The following FLNB variants were observed in gnomAD, a reference collection of about 807,000 sequenced individuals.
The protein encoded by FLNB is filamin-B.
In FLNB, 111 loss-of-function variants were observed where a neutral mutation model predicts 250.6. The ratio of observed to expected loss-of-function variants is 0.44; its 90% confidence interval spans 0.38 to 0.52. FLNB has a LOEUF of 0.52. Among genes scored for constraint, FLNB ranks in the 20% least tolerant of loss-of-function variants. FLNB has a pLI of 0.00. For synonymous variants in FLNB, 1,302 were observed against 1,372.1 expected (o/e 0.95, Z 1.13); for missense variants, 2,869 against 3,447.8 (o/e 0.83, Z 4.20).
Position 58,094,905 on chromosome 3 carries a change from A to C in FLNB, c.857A>C (p.Gln286Pro), listed in dbSNP as rs1576707248. 6.2e-7 allele frequency: 1 copy of C among 1,614,164 alleles called. No individual in the cohort carries two copies. The highest frequency in any genetic ancestry group is 8.5e-7 in the Non-Finnish European group (1 of 1,180,010). ...KFTVDTISAG[Q>P]GDVMVFVEDP... The stretch of plus-strand genomic sequence containing the variant: ...ACTGTGGACACCATCAGCGCCGGGC[A>C]AGGAGACGTGATGGTGTTTGTTGAG... Residue 286 changes from glutamine to proline, a missense_variant, in exon 5 of 46, where the codon CAA becomes CCA. Physicochemically the swap from Gln to Pro is moderately conservative, Grantham distance 76. Around this residue, in one of 5 missense-constraint regions of FLNB, gnomAD observed 308 missense variants for 466.1 expected, o/e 0.66. Transcript: ENST00000295956.
intron 42 of FLNB, among the ~76,000 whole-genome samples, chr3:58,161,646 T>C (rs1453465157): frequency 1.3e-5 from 2 of 152,214 alleles, no homozygotes; most frequent in African/African-American, 4.8e-5. Flanking sequence ...GTTGCATAAC[T>C]AGAAAGTTCA....
Position 58,077,275 on chromosome 3 carries a change from G to C in FLNB, c.522G>C (p.Leu174=), listed in dbSNP as rs1231102041. The C allele has an allele frequency of 1.2e-6, 2 of 1,614,004 alleles. No individual in the cohort carries two copies. The highest frequency in any genetic ancestry group is 2.7e-5 in the African/African-American group (2 of 74,938). The change falls in exon 2 of 46, where the codon CTG becomes CTC. Residue 174 remains leucine (L), a synonymous_variant. Transcript: ENST00000295956. ...NWQDGKALGA[L]VDSCAPGLCP... The stretch of plus-strand genomic sequence containing the variant: ...AAGACGGCAAAGCCCTGGGAGCCCT[G>C]GTAGACAGCTGTGCTCCAGGTAAGT...
chr3:58,039,757 A>G (rs184041053), intron 1 of FLNB, among the ~76,000 whole-genome samples: 21 of 152,328 alleles, frequency 1.4e-4, no homozygotes, highest in Non-Finnish European at 5.9e-5. Flanking sequence ...GTTGCCCAGA[A>G]TATCACCATG....
chr3:58,011,171 C>T (rs2097098149), intron 1 of FLNB, among the ~76,000 whole-genome samples: 1 of 152,066 alleles, frequency 6.6e-6, no homozygotes, highest in South Asian at 2.1e-4. Flanking sequence ...CCTCGGCCTC[C>T]CAAGTGCGGG....
intron 1 of FLNB, among the ~76,000 whole-genome samples, chr3:58,059,034 C>G (rs1419458771): frequency 6.6e-6 from 1 of 152,212 alleles, no homozygotes; most frequent in Admixed American, 6.5e-5. Flanking sequence ...CTGTAGCCCT[C>G]TCTTTGAGAT....
At chr3:58,067,176 A>C (rs1435944473) in intron 1 of FLNB, among the ~76,000 whole-genome samples, 1 of 145,024 alleles carries the variant, frequency 6.9e-6, no homozygotes, top group Non-Finnish European at 1.5e-5. Flanking sequence ...GACATTTCTA[A>C]TGCATTTTAG....
intron 19 of FLNB, 49 bp from the exon 20 acceptor site, chr3:58,121,192 G>C (rs773780446): frequency 2.0e-5 from 33 of 1,613,234 alleles, no homozygotes; most frequent in Non-Finnish European, 2.5e-5. Context: ...GATTGTTCCT[G>C]CTGCTGAAAA....
chr3:58,032,950 G>T (rs543341846), intron 1 of FLNB, among the ~76,000 whole-genome samples: 5 of 152,064 alleles, frequency 3.3e-5, no homozygotes, highest in Non-Finnish European at 7.3e-5. Flanking sequence ...ACATGCACCT[G>T]TGGTCCCAGC....
intron 4 of FLNB, among the ~76,000 whole-genome samples, chr3:58,083,581 G>A (rs2097212490): frequency 6.6e-6 from 1 of 151,900 alleles, no homozygotes; most frequent in South Asian, 2.1e-4. Context: ...TGGCCAGGCT[G>A]GTCTCCAACT....
At chr3:58,072,278 C>G (rs929530285) in intron 1 of FLNB, among the ~76,000 whole-genome samples, 2 of 151,986 alleles carry the variant, frequency 1.3e-5, no homozygotes, top group African/African-American at 2.4e-5. Context: ...CCAATTCCAA[C>G]CCACTGAAAT....
At chr3:58,126,909 A>G (rs1386874855) in intron 24 of FLNB, 147 bp downstream of exon 24, 1 of 752,072 alleles carries the variant, frequency 1.3e-6, no homozygotes, top group Non-Finnish European at 2.3e-6. Flanking sequence ...TACATCTCCA[A>G]GATTATCTCA....
intron 24 of FLNB, among the ~76,000 whole-genome samples, chr3:58,129,283 A>G (rs1276808008): frequency 3.9e-5 from 6 of 152,282 alleles, no homozygotes; most frequent in African/African-American, 1.2e-4. Flanking sequence ...AAGATCTGGC[A>G]TGAGGGAATG....
intron 1 of FLNB, among the ~76,000 whole-genome samples, chr3:58,037,756 G>C (rs2097140130): frequency 6.6e-6 from 1 of 152,078 alleles, no homozygotes; most frequent in Admixed American, 6.5e-5. Flanking sequence ...CCAGGTGCCA[G>C]TATTATTTTG....
intron 27 of FLNB, among the ~76,000 whole-genome samples, chr3:58,135,227 A>G (rs1017093758): frequency 6.6e-6 from 1 of 152,248 alleles, no homozygotes; most frequent in Non-Finnish European, 1.5e-5. Flanking sequence ...TGCATATCAC[A>G]GTAAACCTTA....
At chr3:58,017,535 G>A (rs562146159) in intron 1 of FLNB, among the ~76,000 whole-genome samples, 1 of 152,318 alleles carries the variant, frequency 6.6e-6, no homozygotes, top group African/African-American at 2.4e-5. Context: ...TTGCAGGTGT[G>A]AGCCATCGCG....
chr3:58,088,946 G>C (rs920503859), intron 4 of FLNB, among the ~76,000 whole-genome samples: 1 of 152,122 alleles, frequency 6.6e-6, no homozygotes, highest in African/African-American at 2.4e-5. Flanking sequence ...TTGAGCATCA[G>C]TCGAGGTTGA....
At chr3:58,078,937 G>GCA in intron 3 of FLNB, 123 bp downstream of exon 3, 3 of 703,182 alleles carry the variant, frequency 4.3e-6, no homozygotes, top group Non-Finnish European at 7.7e-6. Context: ...CATTGCCTGT[G>GCA]ATGCTCTCTC....
intron 1 of FLNB, among the ~76,000 whole-genome samples, chr3:58,040,247 A>G (rs1256649576): frequency 6.6e-6 from 1 of 152,146 alleles, no homozygotes; most frequent in East Asian, 1.9e-4. Flanking sequence ...TAAGCAATAC[A>G]CCCTGACCCA....
rs1245048743 is a variant in FLNB, at chr3:58,008,982, CA to C, written c.292+127del. The C allele has an allele frequency of 3.3e-6, 4 of 1,198,272 alleles. No homozygotes were observed. The African/African-American group carries it at 6.0e-5, about 18-fold the overall frequency. 74.2% of individuals were successfully genotyped at this position (1,198,272 alleles called of 1,614,324 possible). A position where few individuals can be genotyped will look rare whatever the true frequency, so the allele number is the denominator to read the frequency against. Reference sequence around the variant, plus strand: ...CTCGGAGATAAGGGGGAGTCGTCCCCAGGGGTGGGTTATAGGGGGCCTAGAC... The same window carrying C: ...CTCGGAGATAAGGGGGAGTCGTCCCCGGGGTGGGTTATAGGGGGCCTAGAC... On this transcript the variant is annotated intron_variant, in intron 1 of 45. Coordinates refer to ENST00000295956, the MANE Select transcript of FLNB (RefSeq NM_001457.4).
Sources: allele counts gnomAD v4.1 joint callset (sites outside exome capture counted in the v4.1 genomes callset), GRCh38; gene constraint gnomAD v4.1.1; regional missense constraint gnomAD v4.1.1; transcripts MANE v1.5; gene names NCBI Gene and HGNC (gene_info 2026-07-23, HGNC 2026-07-21).